Variants in GPR146 observed in about 807,000 individuals in gnomAD.
GPR146 encodes G-protein coupled receptor 146.
For missense variants in GPR146, 381 were observed against 213.9 expected (o/e 1.78, Z -4.87); for synonymous variants, 203 against 104.3 (o/e 1.95, Z -5.77).
At chr7:1,054,594 C>T (rs772737776) in intron 1 of GPR146, among the ~76,000 whole-genome samples, 9 of 152,366 alleles carry the variant, frequency 5.9e-5, no homozygotes, top group African/African-American at 9.6e-5. Flanking sequence ...GCCCTGCAGA[C>T]GCTGGCTGCC....
intron 1 of GPR146, chr7:1,055,528 G>T: frequency 2.2e-6 from 1 of 447,244 alleles, no homozygotes; most frequent in South Asian, 1.6e-5. Flanking sequence ...GACGTGGGGG[G>T]CTCTGTGCAG....
At chr7:1,053,493 G>A (rs553860336) in intron 1 of GPR146, among the ~76,000 whole-genome samples, 25 of 152,318 alleles carry the variant, frequency 1.6e-4, no homozygotes, top group South Asian at 4.1e-4. Context: ...GCCCTGGCAC[G>A]CTGTGGTTCT....
chr7:1,052,729 C>G lies in GPR146; in HGVS notation c.-24-4763C>G, dbSNP rs574239526. Reference sequence around the variant, plus strand: ...GGAAGCTGAATATCACCCCCGCCACCGGGCAGGCAGTGCTCAGAGTGAAAC... The same window carrying G: ...GGAAGCTGAATATCACCCCCGCCACGGGGCAGGCAGTGCTCAGAGTGAAAC... On this transcript the variant is annotated intron_variant, in intron 1 of 1. Coordinates refer to ENST00000444847, the MANE Select transcript of GPR146 (RefSeq NM_001303473.2). The surrounding 1 kb of genome is among the most constrained non-coding windows in gnomAD (Gnocchi z 4.2). 6.6e-6 allele frequency among the ~76,000 whole-genome samples: 1 copy of G among 151,990 alleles called. No individual in the cohort carries two copies. The highest frequency in any genetic ancestry group is 1.5e-5 in the Non-Finnish European group (1 of 67,962).
intron 1 of GPR146, chr7:1,056,181 T>A (rs1458845188): frequency 6.4e-6 from 1 of 156,534 alleles, no homozygotes; most frequent in Non-Finnish European, 1.4e-5. Flanking sequence ...ATCCCCCAGA[T>A]TGCTGCCTGC....
rs576183793 is a variant in GPR146, at chr7:1,050,409, C to T, written c.-25+5751C>T. Among the ~76,000 whole-genome samples the T allele has an allele frequency of 8.5e-4, 129 of 152,354 alleles. 1 individual carries two copies. The highest frequency in any genetic ancestry group is 1.5e-3 in the Non-Finnish European group (103 of 68,028). ...CTTCCAAGCCAACAGGGACAGCTGC[C>T]CAGACGGGCTGCCCAAGCCAACCAA... On this transcript the variant is annotated intron_variant, in intron 1 of 1. Transcript: ENST00000444847.
intron 1 of GPR146, among the ~76,000 whole-genome samples, chr7:1,053,751 C>T (rs965950494): frequency 3.9e-5 from 6 of 152,132 alleles, no homozygotes; most frequent in African/African-American, 1.4e-4. Flanking sequence ...CGCTTGAACC[C>T]GGGAGGCGGA....
At chr7:1,055,704 G>A (rs993799129) in intron 1 of GPR146, among the ~76,000 whole-genome samples, 2 of 152,178 alleles carry the variant, frequency 1.3e-5, no homozygotes, top group Non-Finnish European at 2.9e-5. Flanking sequence ...TCTGTGGGGT[G>A]AAGGTGGCCG....
chr7:1,057,119 G>A (rs556054150), intron 1 of GPR146, among the ~76,000 whole-genome samples: 11 of 152,164 alleles, frequency 7.2e-5, no homozygotes, highest in Non-Finnish European at 1.5e-4. Context: ...GGCAAGATGC[G>A]AACACCACAG....
At position 1,057,947 on chromosome 7, in the gene GPR146, G is replaced by A. The variant is rs781068473; in HGVS notation, c.432G>A (p.Thr144=). The A allele has an allele frequency of 7.8e-6, 6 of 773,110 alleles. No individual in the cohort carries two copies. Among genetic ancestry groups the A allele is most frequent in the South Asian group, 1.3e-5 (1 of 74,624 alleles). 47.9% of individuals were successfully genotyped at this position (773,110 alleles called of 1,614,324 possible). ...PRTYMASVYN[T]RHVCGFVWGG... ...CCTACATGGCCAGCGTGTACAACAC[G>A]CGGCACGTGTGCGGCTTCGTGTGGG... The change falls in exon 2 of 2, where the codon ACG becomes ACA. Residue 144 remains threonine, a synonymous_variant. Transcript: ENST00000444847.
At position 1,057,809 on chromosome 7, in the gene GPR146, C is replaced by T. The variant is rs777873780; in HGVS notation, c.294C>T (p.Gly98=). The change falls in exon 2 of 2, where the codon GGC becomes GGT. Residue 98 remains glycine, a synonymous_variant. Coordinates refer to ENST00000444847, the MANE Select transcript of GPR146 (RefSeq NM_001303473.2). ...PSSRWALWSV[G]GEVHVALQIP... is the part of the protein sequence containing the mutation. ...CCCGGTGGGCGCTGTGGAGTGTGGG[C>T]GGCGAAGTCCACGTGGCACTGCAGA... 10 of 776,180 alleles carry T rather than the reference C, an allele frequency of 1.3e-5. No individual in the cohort carries two copies. The highest frequency in any genetic ancestry group is 2.2e-5 in the Non-Finnish European group (9 of 417,810). 48.1% of individuals were successfully genotyped at this position (776,180 alleles called of 1,614,324 possible).
intron 1 of GPR146, among the ~76,000 whole-genome samples, chr7:1,050,200 G>A (rs1782967271): frequency 6.6e-6 from 1 of 152,238 alleles, no homozygotes; most frequent in South Asian, 2.1e-4. Flanking sequence ...CAGCCTGCCT[G>A]TGCACCCTGT....
chr7:1,048,589 C>A (rs76619075), intron 1 of GPR146, among the ~76,000 whole-genome samples: 4,835 of 152,206 alleles, frequency 0.032, 134 homozygotes, highest in Admixed American at 0.074. Flanking sequence ...AAGTTAGCCC[C>A]GGGTTTCAGC....
chr7:1,055,560 G>T (rs551321951), intron 1 of GPR146: 80 of 412,676 alleles, frequency 1.9e-4, no homozygotes, highest in African/African-American at 1.5e-3. Context: ...GAGGGGACGT[G>T]GGGGACTCTG....
At chr7:1,047,143 A>T (rs1165540569) in intron 1 of GPR146, among the ~76,000 whole-genome samples, 1 of 152,212 alleles carries the variant, frequency 6.6e-6, no homozygotes, top group Non-Finnish European at 1.5e-5. Flanking sequence ...AGCCAAGTAA[A>T]CAAAAGAATG....
chr7:1,051,407 G>A (rs1260125329), intron 1 of GPR146, among the ~76,000 whole-genome samples: 1 of 152,250 alleles, frequency 6.6e-6, no homozygotes, highest in Non-Finnish European at 1.5e-5. Context: ...TTCCCGCACA[G>A]CGTGGGGAGC....
intron 1 of GPR146, among the ~76,000 whole-genome samples, chr7:1,048,122 C>T (rs980079373): frequency 2.0e-5 from 3 of 152,040 alleles, no homozygotes; most frequent in African/African-American, 7.2e-5. Flanking sequence ...ATGTCAAGGA[C>T]GAGCCAGTGT....
intron 1 of GPR146, among the ~76,000 whole-genome samples, chr7:1,051,772 G>A (rs1268920072): frequency 6.6e-6 from 1 of 152,214 alleles, no homozygotes; most frequent in Non-Finnish European, 1.5e-5. Flanking sequence ...CCAGGAGTTT[G>A]AGACTAGCCT....
intron 1 of GPR146, among the ~76,000 whole-genome samples, chr7:1,047,167 C>G (rs909343621): frequency 6.6e-6 from 1 of 152,250 alleles, no homozygotes; most frequent in Non-Finnish European, 1.5e-5. Flanking sequence ...TTCCACCTTC[C>G]TCCAGGGAAC....
chr7:1,053,907 G>C (rs573588121), intron 1 of GPR146, among the ~76,000 whole-genome samples: 46 of 152,346 alleles, frequency 3.0e-4, no homozygotes, highest in Non-Finnish European at 6.5e-4. Context: ...CTGCAGGCAG[G>C]AGACTCTCAA....
Sources: allele counts gnomAD v4.1 joint callset (sites outside exome capture counted in the v4.1 genomes callset), GRCh38; gene constraint gnomAD v4.1.1; non-coding constraint Gnocchi (gnomAD v3.1); transcripts MANE v1.5; gene names NCBI Gene and HGNC (gene_info 2026-07-23, HGNC 2026-07-21).